CNTN1: variants seen among roughly 807,000 people sequenced by gnomAD.
CNTN1 encodes the protein contactin 1.
In CNTN1, 38 loss-of-function variants were observed where a neutral mutation model predicts 126.4. The observed-to-expected ratio is 0.30, with a 90% CI of 0.23 to 0.39. The LOEUF (loss-of-function observed/expected upper bound fraction) is 0.39, where lower values mean the gene tolerates loss of function less well. Ranked by LOEUF, CNTN1 falls within the 10% of genes least tolerant of loss-of-function variation. The probability of loss-of-function intolerance (pLI) is 1.00; values close to 1 mark genes in which losing one functional copy is unlikely to be tolerated. For synonymous variants in CNTN1, 413 were observed against 422.6 expected, an observed-to-expected ratio of 0.98 and a Z score of 0.28; for missense variants, 1,009 against 1,248.4, an observed-to-expected ratio of 0.81 and a Z score of 2.89.
chr12:41,058,380 T>A (rs1250215532), intron 23 of CNTN1, among the ~76,000 whole-genome samples: 6 of 152,064 alleles, frequency 3.9e-5, no homozygotes, highest in African/African-American at 1.4e-4. Flanking sequence ...AATTGTATGA[T>A]GGAATGAATA....
intron 1 of CNTN1, among the ~76,000 whole-genome samples, chr12:40,786,873 C>T (rs1321177990): frequency 2.0e-5 from 3 of 152,132 alleles, no homozygotes; most frequent in African/African-American, 7.2e-5. Flanking sequence ...TTCCATCTTT[C>T]AGTTATACAT....
intron 1 of CNTN1, among the ~76,000 whole-genome samples, chr12:40,858,793 A>G (rs993271612): frequency 6.6e-6 from 1 of 152,208 alleles, no homozygotes; most frequent in African/African-American, 2.4e-5. Flanking sequence ...AATACTATGC[A>G]GCCATAAGAA....
chr12:40,760,835 G>GCGCACACA (rs1555152658), intron 1 of CNTN1, among the ~76,000 whole-genome samples: 2 of 150,450 alleles, frequency 1.3e-5, no homozygotes, highest in Admixed American at 6.6e-5. Flanking sequence ...TCAAAATAAT[G>GCGCACACA]CACACACACA....
At chr12:41,015,532 TG>T (rs1467250466) in intron 18 of CNTN1, among the ~76,000 whole-genome samples, 1 of 152,132 alleles carries the variant, frequency 6.6e-6, no homozygotes, top group African/African-American at 2.4e-5. Context: ...ATTGTAGAAA[TG>T]TTAGGCTATA....
chr12:40,933,610 A>G lies in CNTN1; in HGVS notation c.803+50A>G, dbSNP rs776868385. ...ATATATATAGAAATAGTACCATTTTAGGAAATAAATAATTGTTTAGCTATA... is the reference window on the plus strand; with the variant it reads ...ATATATATAGAAATAGTACCATTTTGGGAAATAAATAATTGTTTAGCTATA... On this transcript the variant is annotated intron_variant, in intron 8 of 23. Transcript: ENST00000551295. The G allele has an allele frequency of 3.9e-6, 6 of 1,531,608 alleles. No individual in the cohort carries two copies. In the African/African-American group the frequency reaches 8.2e-5, roughly 21 times the overall value. 94.9% of individuals were successfully genotyped at this position (1,531,608 alleles called of 1,614,324 possible). A position where few individuals can be genotyped will look rare whatever the true frequency, so the allele number is the denominator to read the frequency against.
chr12:40,816,035 T>C (rs924801764), intron 1 of CNTN1, among the ~76,000 whole-genome samples: 2 of 152,224 alleles, frequency 1.3e-5, no homozygotes, highest in Admixed American at 1.3e-4. Context: ...TTTGGTGTGC[T>C]GCTGGATTCA....
At chr12:40,911,981 G>A (rs776512754) in intron 3 of CNTN1, among the ~76,000 whole-genome samples, 1 of 133,392 alleles carries the variant, frequency 7.5e-6, no homozygotes, top group Non-Finnish European at 1.6e-5. Context: ...CAATGTCTGC[G>A]AATTACTCAG....
intron 23 of CNTN1, among the ~76,000 whole-genome samples, chr12:41,064,555 C>T (rs1950009577): frequency 1.3e-5 from 2 of 152,150 alleles, no homozygotes; most frequent in Non-Finnish European, 2.9e-5. Context: ...TTACATAAAG[C>T]AGTTGTTTTC....
chr12:40,897,177 A>G (rs1446042218), intron 1 of CNTN1, among the ~76,000 whole-genome samples: 1 of 152,224 alleles, frequency 6.6e-6, no homozygotes, highest in Non-Finnish European at 1.5e-5. Context: ...TTTGAGTCAG[A>G]GAGTATAGTA....
intron 16 of CNTN1, among the ~76,000 whole-genome samples, chr12:40,984,744 A>G (rs1330140496): frequency 6.6e-6 from 1 of 152,128 alleles, no homozygotes; most frequent in Non-Finnish European, 1.5e-5. Context: ...TTTCTTTACA[A>G]CTTTGCTCCT....
At chr12:40,944,898 A>G (rs1048197725) in intron 14 of CNTN1, among the ~76,000 whole-genome samples, 13 of 152,062 alleles carry the variant, frequency 8.5e-5, no homozygotes, top group Non-Finnish European at 1.6e-4. Flanking sequence ...GACTAAGGAC[A>G]TATTTAGAAC....
At chr12:40,745,862 G>A (rs2136389246) in intron 1 of CNTN1, among the ~76,000 whole-genome samples, 1 of 152,246 alleles carries the variant, frequency 6.6e-6, no homozygotes, top group East Asian at 1.9e-4. Context: ...AGTAAGGTAT[G>A]TTGTATAGGG....
intron 23 of CNTN1, among the ~76,000 whole-genome samples, chr12:41,051,769 C>A (rs1304672363): frequency 1.3e-5 from 2 of 151,814 alleles, no homozygotes; most frequent in African/African-American, 4.8e-5. Flanking sequence ...TTAAATTAGT[C>A]TTGAAATTCC....
At chr12:40,910,159 T>C (rs184618146) in intron 3 of CNTN1, 54 bp downstream of exon 3, 1 of 1,338,172 alleles carries the variant, frequency 7.5e-7, no homozygotes, top group Admixed American at 1.7e-5. Context: ...TTGAATCATA[T>C]TTTATCTCTG....
At chr12:41,011,695 A>T (rs1261589422) in intron 17 of CNTN1, among the ~76,000 whole-genome samples, 2 of 152,178 alleles carry the variant, frequency 1.3e-5, no homozygotes, top group African/African-American at 4.8e-5. Context: ...CTTGGGAAAG[A>T]CTATGTAACA....
intron 1 of CNTN1, among the ~76,000 whole-genome samples, chr12:40,732,049 CTG>C (rs1942512798): frequency 6.6e-6 from 1 of 151,812 alleles, no homozygotes; most frequent in Non-Finnish European, 1.5e-5. Context: ...GAATCAATGA[CTG>C]AAAAAATATT....
chr12:40,817,941 A>C (rs1236420458), intron 1 of CNTN1, among the ~76,000 whole-genome samples: 1 of 152,078 alleles, frequency 6.6e-6, no homozygotes, highest in African/African-American at 2.4e-5. Flanking sequence ...GTTTGGCTGG[A>C]TATGAAATTC....
intron 1 of CNTN1, among the ~76,000 whole-genome samples, chr12:40,808,717 G>C (rs1940950284): frequency 6.6e-6 from 1 of 152,106 alleles, no homozygotes; most frequent in Non-Finnish European, 1.5e-5. Flanking sequence ...GAGGACAAGA[G>C]CTTTTAAATT....
intron 1 of CNTN1, among the ~76,000 whole-genome samples, chr12:40,718,230 G>A (rs1455434688): frequency 2.6e-5 from 4 of 152,196 alleles, no homozygotes; most frequent in East Asian, 1.9e-4. Flanking sequence ...GTGCAATGGC[G>A]CAATTTTGGC....
Sources: allele counts gnomAD v4.1 joint callset (sites outside exome capture counted in the v4.1 genomes callset), GRCh38; gene constraint gnomAD v4.1.1; transcripts MANE v1.5; gene names NCBI Gene and HGNC (gene_info 2026-07-23, HGNC 2026-07-21).